Variants in KCNT2 observed in about 807,000 individuals in gnomAD.
KCNT2 encodes the protein potassium sodium-activated channel subfamily T member 2.
In KCNT2, 67 loss-of-function variants were observed where a neutral mutation model predicts 153.8. The ratio of observed to expected loss-of-function variants is 0.44; its 90% CI spans 0.36 to 0.53. The LOEUF (loss-of-function observed/expected upper bound fraction) is 0.53, where lower values mean the gene tolerates loss of function less well. Ranked by LOEUF, KCNT2 falls within the 20% of genes least tolerant of loss-of-function variation. The pLI, the probability that KCNT2 is intolerant of heterozygous loss-of-function variation, is 0.00. For missense variants in KCNT2, 975 were observed against 1,354.8 expected, an observed-to-expected ratio of 0.72 and a Z score of 4.40; for synonymous variants, 500 against 458.8, an observed-to-expected ratio of 1.09 and a Z score of -1.15.
Position 196,440,704 on chromosome 1 carries a change from T to C in KCNT2, c.639-10947A>G, listed in dbSNP as rs184381772. On this transcript the variant is annotated intron_variant, in intron 8 of 27. Transcript: ENST00000294725. ...AATAATGAAACTGTCAGTTCCTATT[T>C]TTTTTTGTTTTTTCATGGATATCAA... is the stretch of plus-strand genomic sequence containing the variant. Among the ~76,000 whole-genome samples, 10 of 152,086 alleles carry C rather than the reference T, an allele frequency of 6.6e-5. No individual in the cohort carries two copies. The East Asian group carries it at 1.9e-3, about 30-fold the overall frequency.
At chr1:196,428,362 T>G in intron 9 of KCNT2, 93 bp from the exon 10 acceptor site, 1 of 854,652 alleles carries the variant, frequency 1.2e-6, no homozygotes, top group East Asian at 2.5e-5. Context: ...TATTTTCAAT[T>G]TCCTAGATGG....
intron 1 of KCNT2, among the ~76,000 whole-genome samples, chr1:196,559,752 T>G (rs182308002): frequency 2.0e-3 from 298 of 151,944 alleles, no homozygotes; most frequent in Admixed American, 6.1e-3. Flanking sequence ...TAGAATATAT[T>G]TCGATTGCAT....
At chr1:196,320,341 A>T (rs1663166118) in intron 19 of KCNT2, among the ~76,000 whole-genome samples, 1 of 151,866 alleles carries the variant, frequency 6.6e-6, no homozygotes, top group African/African-American at 2.4e-5. Flanking sequence ...ATTTTAACAC[A>T]TTCAGGTATA....
intron 14 of KCNT2, among the ~76,000 whole-genome samples, chr1:196,351,395 A>G (rs1381562830): frequency 6.6e-6 from 1 of 152,146 alleles, no homozygotes; most frequent in East Asian, 1.9e-4. Flanking sequence ...AGTGGTTTGT[A>G]GTTCTCCTTG....
At chr1:196,501,433 CT>C (rs991770196) in intron 1 of KCNT2, among the ~76,000 whole-genome samples, 1 of 152,080 alleles carries the variant, frequency 6.6e-6, no homozygotes, top group African/African-American at 2.4e-5. Flanking sequence ...GAAATAATAT[CT>C]TTTTCAGCAA....
chr1:196,568,288 C>G (rs1188032109), intron 1 of KCNT2, among the ~76,000 whole-genome samples: 1 of 151,912 alleles, frequency 6.6e-6, no homozygotes, highest in Non-Finnish European at 1.5e-5. Flanking sequence ...AGGGTTCGCC[C>G]TTCTATAAAA....
intron 1 of KCNT2, among the ~76,000 whole-genome samples, chr1:196,556,609 G>T (rs1037310389): frequency 1.3e-5 from 2 of 151,338 alleles, no homozygotes; most frequent in African/African-American, 4.8e-5. Context: ...CAACCATACA[G>T]TCCAACAATC....
intron 1 of KCNT2, among the ~76,000 whole-genome samples, chr1:196,590,482 C>T (rs1409385168): frequency 6.6e-6 from 1 of 152,064 alleles, no homozygotes; most frequent in Non-Finnish European, 1.5e-5. Context: ...AGGTGACAGC[C>T]CCAAGCCCGC....
chr1:196,251,314 T>C (rs921154640), intron 26 of KCNT2, among the ~76,000 whole-genome samples: 1 of 152,140 alleles, frequency 6.6e-6, no homozygotes, highest in Non-Finnish European at 1.5e-5. Context: ...AAGTCTGTTG[T>C]CATTTTACAT....
intron 1 of KCNT2, among the ~76,000 whole-genome samples, chr1:196,574,202 T>C (rs1330416579): frequency 3.3e-5 from 5 of 151,854 alleles, no homozygotes; most frequent in African/African-American, 1.2e-4. Flanking sequence ...TAAATAAGAG[T>C]AAATATGAAA....
chr1:196,513,321 G>A (rs1043243886), intron 1 of KCNT2, among the ~76,000 whole-genome samples: 2 of 152,164 alleles, frequency 1.3e-5, no homozygotes, highest in African/African-American at 4.8e-5. Context: ...AGCATCCAAA[G>A]TTGACAACTA....
intron 3 of KCNT2, among the ~76,000 whole-genome samples, chr1:196,484,841 T>C (rs1330997540): frequency 1.3e-5 from 2 of 152,218 alleles, no homozygotes; most frequent in South Asian, 4.1e-4. Flanking sequence ...GCTTTTACAC[T>C]GTTGGTGAGA....
At chr1:196,414,770 G>A (rs1672620110) in intron 12 of KCNT2, among the ~76,000 whole-genome samples, 1 of 151,826 alleles carries the variant, frequency 6.6e-6, no homozygotes, top group Non-Finnish European at 1.5e-5. Context: ...TTTTCCATAT[G>A]GTTCAACTAT....
intron 14 of KCNT2, chr1:196,343,096 G>C (rs147724390): frequency 2.0e-5 from 3 of 152,276 alleles, no homozygotes; most frequent in East Asian, 3.9e-4. Flanking sequence ...TGGATTTCCA[G>C]CCTTCAGAAC....
At chr1:196,254,245 T>A (rs1407491189) in intron 26 of KCNT2, among the ~76,000 whole-genome samples, 1 of 151,502 alleles carries the variant, frequency 6.6e-6, no homozygotes, top group Non-Finnish European at 1.5e-5. Flanking sequence ...CATGTATTCA[T>A]TCTTGTGTTT....
intron 12 of KCNT2, among the ~76,000 whole-genome samples, chr1:196,416,429 T>C (rs1393235431): frequency 1.3e-5 from 2 of 152,054 alleles, no homozygotes; most frequent in Non-Finnish European, 2.9e-5. Flanking sequence ...GCATAGTATA[T>C]ATAGGGTTTG....
intron 26 of KCNT2, among the ~76,000 whole-genome samples, chr1:196,248,583 C>A (rs1259364982): frequency 6.6e-6 from 1 of 152,044 alleles, no homozygotes. Flanking sequence ...CAAAACCTAC[C>A]AAGATTGAAA....
chr1:196,461,445 C>G (rs1045779678), intron 8 of KCNT2, among the ~76,000 whole-genome samples: 3 of 151,316 alleles, frequency 2.0e-5, no homozygotes, highest in African/African-American at 7.3e-5. Context: ...ATGTTAGAAA[C>G]CCATGAAATA....
intron 26 of KCNT2, among the ~76,000 whole-genome samples, chr1:196,255,593 T>G (rs974399786): frequency 2.6e-5 from 4 of 151,840 alleles, no homozygotes; most frequent in African/African-American, 9.7e-5. Flanking sequence ...CAGTAGGGTT[T>G]GAAGGAGCAG....
Sources: allele counts gnomAD v4.1 joint callset (sites outside exome capture counted in the v4.1 genomes callset), GRCh38; gene constraint gnomAD v4.1.1; transcripts MANE v1.5; gene names NCBI Gene and HGNC (gene_info 2026-07-23, HGNC 2026-07-21).